The following ANXA6 variants were observed in gnomAD, a reference collection of about 807,000 sequenced individuals.
ANXA6 encodes 67 kDa calelectrin.
A neutral mutation model predicts 95.4 loss-of-function variants in ANXA6; 71 were observed. The ratio of observed to expected loss-of-function variants is 0.74; its 90% confidence interval spans 0.61 to 0.91. The LOEUF (loss-of-function observed/expected upper bound fraction) is 0.91. Among genes scored for constraint, ANXA6 ranks in the 40% least tolerant of loss-of-function variants. ANXA6 has a pLI of 0.00. For synonymous variants in ANXA6, 289 were observed against 315.9 expected (o/e 0.91, Z 0.90); for missense variants, 830 against 876.4 (o/e 0.95, Z 0.67).
At chr5:151,107,906 G>A (rs1045932260) in intron 23 of ANXA6, among the ~76,000 whole-genome samples, 1 of 152,120 alleles carries the variant, frequency 6.6e-6, no homozygotes, top group Non-Finnish European at 1.5e-5. Flanking sequence ...GTGCATGTGT[G>A]CTGCGTATAT....
intron 20 of ANXA6, among the ~76,000 whole-genome samples, chr5:151,113,818 C>G (rs1764919526): frequency 6.6e-6 from 1 of 152,158 alleles, no homozygotes; most frequent in Non-Finnish European, 1.5e-5. Flanking sequence ...CACACAAAAA[C>G]TTGTACACAA....
intron 14 of ANXA6, among the ~76,000 whole-genome samples, chr5:151,125,006 C>T (rs368033267): frequency 6.6e-6 from 1 of 152,300 alleles, no homozygotes; most frequent in East Asian, 1.9e-4. Flanking sequence ...TGTTACATAT[C>T]CCAGGTGCCT....
chr5:151,140,394 G>A, intron 2 of ANXA6, 151 bp from the exon 3 acceptor site: 2 of 673,024 alleles, frequency 3.0e-6, no homozygotes, highest in Admixed American at 2.4e-5. Flanking sequence ...GGGGAGCGGT[G>A]TGGATGACTT....
Position 151,101,504 on chromosome 5 carries a change from C to T in ANXA6, c.1966G>A (p.Asp656Asn). Reference sequence around the variant, plus strand: ...GCCTTCAGGAAGTCTCCGGAGGTGTCACCCTGGCAGAGGCAGAGAGCAGAG... The same window carrying T: ...GCCTTCAGGAAGTCTCCGGAGGTGTTACCCTGGCAGAGGCAGAGAGCAGAG... ...DKSLHQAIEG[D>N]TSGDFLKALL... The change falls in exon 26 of 26, where the codon GAC (aspartate) becomes AAC (asparagine). Residue 656 changes from aspartate to asparagine, a missense_variant. Transcript: ENST00000354546. The T allele has an allele frequency of 6.4e-7, 1 of 1,559,868 alleles. No individual in the cohort carries two copies. Among genetic ancestry groups the T allele is most frequent in the Non-Finnish European group, 8.7e-7 (1 of 1,151,852 alleles).
chr5:151,129,468 A>G lies in ANXA6; in HGVS notation c.857T>C (p.Met286Thr), dbSNP rs759334595. 1.9e-6 allele frequency: 3 copies of G among 1,613,226 alleles called. No homozygotes were observed. In the Admixed American group the frequency reaches 5.0e-5, roughly 27 times the overall value. Residue 286 changes from methionine (M) to threonine (T), a missense_variant, in exon 12 of 26, where the codon ATG (methionine) becomes ACG (threonine). Coordinates refer to ENST00000354546, the MANE Select transcript of ANXA6 (RefSeq NM_001155.5). ...RIMVSRSELD[M>T]LDIREIFRTK... ...CCGGAAGATCTCCCGAATGTCGAGC[A>G]TGTCCAACTCACTACGGGAGACCAT...
chr5:151,147,973 A>G, intron 1 of ANXA6, 47 bp from the exon 2 acceptor site: 1 of 1,525,710 alleles, frequency 6.6e-7, no homozygotes, highest in African/African-American at 1.4e-5. Context: ...AACTCTAACC[A>G]TCCCCTTTCT....
chr5:151,147,526 C>T (rs1766002584), intron 2 of ANXA6, among the ~76,000 whole-genome samples: 1 of 152,194 alleles, frequency 6.6e-6, no homozygotes, highest in African/African-American at 2.4e-5. Flanking sequence ...CATGCCAATG[C>T]AAGGAAGAAC....
intron 11 of ANXA6, 112 bp from the exon 12 acceptor site, chr5:151,129,641 C>G: frequency 7.8e-7 from 1 of 1,278,940 alleles, no homozygotes; most frequent in Non-Finnish European, 1.1e-6. Flanking sequence ...AAATTTAGAG[C>G]AAAAGAAGCA....
Position 151,126,800 on chromosome 5 carries a change from T to TCTGCCTCCCAGGTTCAAGCGATTCTC in ANXA6, c.978-346_978-321dup, listed in dbSNP as rs1270462900. On this transcript the variant is annotated intron_variant, in intron 13 of 25. Coordinates refer to ENST00000354546, the MANE Select transcript of ANXA6 (RefSeq NM_001155.5). The stretch of plus-strand genomic sequence containing the variant: ...GGCTCGATCTCAGCTCACTGCAACC[T>TCTGCCTCCCAGGTTCAAGCGATTCTC]CTGCCTCCCAGGTTCAAGCGATTCT... Among the ~76,000 whole-genome samples the TCTGCCTCCCAGGTTCAAGCGATTCTC allele has an allele frequency of 2.0e-5, 3 of 152,282 alleles. No individual in the cohort carries two copies. In the East Asian group the frequency reaches 5.8e-4, roughly 29 times the overall value.
chr5:151,103,161 TA>T (rs1485619713), intron 25 of ANXA6, among the ~76,000 whole-genome samples: 1 of 152,166 alleles, frequency 6.6e-6, no homozygotes, highest in African/African-American at 2.4e-5. Flanking sequence ...CACACCCAGC[TA>T]ATTTTTGTAT....
rs1391491450 is a variant in ANXA6 at position 151,140,236 on chromosome 5, T to C, written c.26A>G (p.Lys9Arg). The change falls in exon 3 of 26, where the codon AAG (lysine) becomes AGG (arginine). Residue 9 changes from lysine to arginine, a missense_variant. By Grantham distance (26) the Lys-to-Arg change is conservative. Coordinates refer to ENST00000354546, the MANE Select transcript of ANXA6 (RefSeq NM_001155.5). MAKPAQGAKYRGSIHDFPG... is the reference protein window; with the variant it reads MAKPAQGARYRGSIHDFPG... Reference sequence around the variant, plus strand: ...GAAGTCATGGATGGAGCCCCGGTACTTGGCACCCTGTGGAGAAAAAAGTAG... The same window carrying C: ...GAAGTCATGGATGGAGCCCCGGTACCTGGCACCCTGTGGAGAAAAAAGTAG... 1.2e-6 allele frequency: 2 copies of C among 1,613,850 alleles called. No homozygotes were observed. Among genetic ancestry groups the C allele is most frequent in the Non-Finnish European group, 1.7e-6 (2 of 1,179,828 alleles).
chr5:151,140,160 C>T lies in ANXA6; in HGVS notation c.102G>A (p.Lys34=). 4 of 1,613,952 alleles carry T rather than the reference C, an allele frequency of 2.5e-6. No homozygotes were observed. The highest frequency in any genetic ancestry group is 3.4e-6 in the Non-Finnish European group (4 of 1,179,872). Residue 34 remains lysine (K), a synonymous_variant, in exon 3 of 26, where the codon AAG becomes AAA. Coordinates refer to ENST00000354546, the MANE Select transcript of ANXA6 (RefSeq NM_001155.5). ...QDAEALYTAM[K]GFGSDKEAIL... is the part of the protein sequence containing the mutation. ...ATGAAGCCTGGCACCCACCAAAGCCCTTCATGGCAGTGTACAGAGCCTCGG... is the reference window on the plus strand; with the variant it reads ...ATGAAGCCTGGCACCCACCAAAGCCTTTCATGGCAGTGTACAGAGCCTCGG...
chr5:151,136,498 G>A (rs1197729547), intron 6 of ANXA6, among the ~76,000 whole-genome samples, 163 bp from the exon 7 acceptor site: 7 of 152,178 alleles, frequency 4.6e-5, no homozygotes, highest in South Asian at 4.2e-4. Flanking sequence ...ACAGCTCTTC[G>A]TACTGACCAT....
chr5:151,142,432 C>T (rs954979953), intron 2 of ANXA6, among the ~76,000 whole-genome samples: 2 of 151,602 alleles, frequency 1.3e-5, no homozygotes, highest in African/African-American at 4.9e-5. Context: ...GAGCTCAGAT[C>T]GCATCACTGC....
intron 2 of ANXA6, chr5:151,140,605 T>TATATATA (rs1561583202): frequency 6.9e-6 from 1 of 144,324 alleles, no homozygotes. Context: ...TATATATATA[T>TATATATA]TTTAAGAGAT....
Position 151,122,168 on chromosome 5 carries a change from C to T in ANXA6, c.1326G>A (p.Lys442=). 2 of 1,596,266 alleles carry T rather than the reference C, an allele frequency of 1.3e-6. No homozygotes were observed. The highest frequency in any genetic ancestry group is 1.1e-5 in the South Asian group (1 of 87,530). Residue 442 remains lysine (K), a synonymous_variant, in exon 17 of 26, where the codon AAG becomes AAA. Transcript: ENST00000354546. ...LMMPPAHYDA[K]QLKKAMEGAG... The stretch of plus-strand genomic sequence containing the variant: ...GTACCTCCATGGCCTTCTTCAACTG[C>T]TTGGCATCGTAATGGGCCGGTGGCA...
chr5:151,129,561 C>T, intron 11 of ANXA6, 32 bp from the exon 12 acceptor site: 2 of 1,577,318 alleles, frequency 1.3e-6, no homozygotes, highest in Non-Finnish European at 1.7e-6. Flanking sequence ...GGAACATGGA[C>T]TTGAGAGGAG....
Position 151,137,989 on chromosome 5 carries a change from AGAT to A in ANXA6, c.319-671_319-669del, listed in dbSNP as rs562658276. ...CTCAGTTTTCTCATCTGTAAAATGT[AGAT>A]GATATTAGTTGCTCTGCCAAACTCA... On this transcript the variant is annotated intron_variant, in intron 5 of 25. Transcript: ENST00000354546. Among the ~76,000 whole-genome samples, 498 of 152,360 alleles carry A rather than the reference AGAT, an allele frequency of 3.3e-3. 2 individuals carry two copies. Among genetic ancestry groups the A allele is most frequent in the African/African-American group, 0.011 (449 of 41,578 alleles).
At chr5:151,129,311 C>A in intron 12 of ANXA6, 96 bp downstream of exon 12, 1 of 1,493,524 alleles carries the variant, frequency 6.7e-7, no homozygotes, top group Non-Finnish European at 9.1e-7. Context: ...ACTCCCACTT[C>A]CTAGGACATT....
Sources: allele counts gnomAD v4.1 joint callset (sites outside exome capture counted in the v4.1 genomes callset), GRCh38; gene constraint gnomAD v4.1.1; transcripts MANE v1.5; gene names NCBI Gene and HGNC (gene_info 2026-07-23, HGNC 2026-07-21).